ARID4A: variants seen among roughly 807,000 people sequenced by gnomAD.
ARID4A encodes AT-rich interaction domain 4A.
In ARID4A, 39 loss-of-function variants were observed where a neutral mutation model predicts 148.6. The ratio of observed to expected loss-of-function variants is 0.26; its 90% CI spans 0.20 to 0.34. The LOEUF (loss-of-function observed/expected upper bound fraction) is 0.34. Ranked by LOEUF, ARID4A falls within the 10% of genes least tolerant of loss-of-function variation. The pLI is 1.00. For missense variants in ARID4A, 1,265 were observed against 1,449.1 expected (o/e 0.87, Z 2.06); for synonymous variants, 475 against 481.2 (o/e 0.99, Z 0.17).
intron 18 of ARID4A, among the ~76,000 whole-genome samples, chr14:58,359,449 T>C (rs1031022717): frequency 2.6e-5 from 4 of 152,202 alleles, no homozygotes; most frequent in Non-Finnish European, 5.9e-5. Flanking sequence ...GACACATTAT[T>C]GTCACTCAGA....
At chr14:58,353,583 C>T (rs2034734937) in intron 16 of ARID4A, 75 bp from the exon 17 acceptor site, 2 of 1,281,214 alleles carry the variant, frequency 1.6e-6, no homozygotes, top group South Asian at 2.6e-5. Context: ...AATAATCTAC[C>T]TGTTGGATTC....
chr14:58,298,872 C>T (rs1195802061), intron 1 of ARID4A, among the ~76,000 whole-genome samples, 172 bp downstream of exon 1: 2 of 152,214 alleles, frequency 1.3e-5, no homozygotes, highest in Admixed American at 6.5e-5. Context: ...CCAGCGGCAG[C>T]AACTGCAGGA....
Position 58,298,642 on chromosome 14 carries a change from A to C in ARID4A, c.-116A>C, listed in dbSNP as rs1442655881. On this transcript the variant is annotated 5_prime_UTR_variant, in exon 1 of 24. Coordinates refer to ENST00000355431, the MANE Select transcript of ARID4A (RefSeq NM_002892.4). Reference sequence around the variant, plus strand: ...AGTGGTGCTGCCCGGACGGGGGCCCACGGAGGTCAGAGGGGAGGAGGACTC... The same window carrying C: ...AGTGGTGCTGCCCGGACGGGGGCCCCCGGAGGTCAGAGGGGAGGAGGACTC... 6.5e-6 allele frequency: 1 copy of C among 152,684 alleles called. No homozygotes were observed. The highest frequency in any genetic ancestry group is 2.4e-5 in the African/African-American group (1 of 41,452). 9.5% of individuals were successfully genotyped at this position (152,684 alleles called of 1,614,324 possible).
intron 15 of ARID4A, among the ~76,000 whole-genome samples, chr14:58,348,733 CTT>C (rs1292804870): frequency 6.6e-6 from 1 of 152,058 alleles, no homozygotes; most frequent in Non-Finnish European, 1.5e-5. Flanking sequence ...TGTGAAATTG[CTT>C]TGTCTTATAG....
intron 7 of ARID4A, among the ~76,000 whole-genome samples, chr14:58,319,226 A>AT (rs11328441): frequency 3.3e-4 from 49 of 146,396 alleles, no homozygotes; most frequent in East Asian, 1.8e-3. Flanking sequence ...CACCCAGCTA[A>AT]TTTTTTTTTT....
chr14:58,330,210 C>T lies in ARID4A; in HGVS notation c.906+41C>T, dbSNP rs2033444138. 5 of 1,588,136 alleles carry T rather than the reference C, an allele frequency of 3.1e-6. No individual in the cohort carries two copies. The South Asian group carries it at 4.6e-5, about 15-fold the overall frequency. ...TGTTTGTAACAAAAACATCTTAATA[C>T]TCTCTAGTGAAAATAATACCTTCAT... is the stretch of plus-strand genomic sequence containing the variant. On this transcript the variant is annotated intron_variant, in intron 11 of 23. Transcript: ENST00000355431.
At chr14:58,300,669 C>T (rs1366130972) in intron 2 of ARID4A, among the ~76,000 whole-genome samples, 2 of 152,114 alleles carry the variant, frequency 1.3e-5, no homozygotes, top group African/African-American at 4.8e-5. Flanking sequence ...ATTTAACCTT[C>T]TTTAATATTA....
intron 5 of ARID4A, among the ~76,000 whole-genome samples, chr14:58,311,756 T>G (rs2032049588): frequency 6.6e-6 from 1 of 152,088 alleles, no homozygotes; most frequent in Non-Finnish European, 1.5e-5. Flanking sequence ...TATTCAACTT[T>G]TAAAAAGAAG....
At chr14:58,317,607 A>G (rs2032541623) in intron 5 of ARID4A, among the ~76,000 whole-genome samples, 1 of 149,150 alleles carries the variant, frequency 6.7e-6, no homozygotes, top group South Asian at 2.1e-4. Flanking sequence ...TCTTTTTAAA[A>G]AAACCTTTAT....
Position 58,364,196 on chromosome 14 carries a change from G to T in ARID4A, c.2107G>T (p.Glu703Ter). 6.9e-7 allele frequency: 1 copy of T among 1,444,704 alleles called. No individual in the cohort carries two copies. Among genetic ancestry groups the T allele is most frequent in the South Asian group, 1.6e-5 (1 of 64,060 alleles). 89.5% of individuals were successfully genotyped at this position (1,444,704 alleles called of 1,614,324 possible). A position where few individuals can be genotyped will look rare whatever the true frequency, so the allele number is the denominator to read the frequency against. ...CTCTTGTTCATCTGATAGTGAAACA[G>T]AAGATGCTTTAGAAAAGAATTTAAT... ...SDSCSSDSET[E>*]DALEKNLINE... The change falls in exon 20 of 24, where the codon GAA (glutamate) becomes TAA (stop). Residue 703 changes from glutamate (E) to a stop codon, truncating the protein, a stop_gained. Coordinates refer to ENST00000355431, the MANE Select transcript of ARID4A (RefSeq NM_002892.4). LOFTEE classifies it high-confidence loss of function.
chr14:58,372,989 A>G lies in ARID4A; in HGVS notation c.*1000A>G, dbSNP rs904054678. On this transcript the variant is annotated 3_prime_UTR_variant, in exon 24 of 24. Transcript: ENST00000355431. The stretch of plus-strand genomic sequence containing the variant: ...AGCTCTCAGCTGTCCTTTTTACAGG[A>G]GGTTGCATCCTGCAGCCTTGCCTGT... 1.0e-5 allele frequency: 2 copies of G among 193,156 alleles called. No individual in the cohort carries two copies. The highest frequency in any genetic ancestry group is 1.1e-5 in the Non-Finnish European group (1 of 92,582). 12.0% of individuals were successfully genotyped at this position (193,156 alleles called of 1,614,324 possible). A position where few individuals can be genotyped will look rare whatever the true frequency, so the allele number is the denominator to read the frequency against.
chr14:58,315,642 C>A (rs979312607), intron 5 of ARID4A, among the ~76,000 whole-genome samples: 2 of 152,048 alleles, frequency 1.3e-5, no homozygotes, highest in Non-Finnish European at 2.9e-5. Flanking sequence ...CTAATACTAA[C>A]AAGAATTATA....
At chr14:58,298,903 C>G (rs1327588598) in intron 1 of ARID4A, among the ~76,000 whole-genome samples, 1 of 152,116 alleles carries the variant, frequency 6.6e-6, no homozygotes, top group Non-Finnish European at 1.5e-5. Flanking sequence ...CAGTTGCAGC[C>G]GCCTCCTCGT....
chr14:58,311,907 A>G (rs902748175), intron 5 of ARID4A, among the ~76,000 whole-genome samples: 2 of 16,274 alleles, frequency 1.2e-4, no homozygotes, highest in Non-Finnish European at 1.0e-4. Context: ...GTTGGTTATC[A>G]GGGGTGGGGG....
At chr14:58,360,394 A>G (rs1011015894) in intron 18 of ARID4A, among the ~76,000 whole-genome samples, 2 of 152,230 alleles carry the variant, frequency 1.3e-5, no homozygotes, top group Admixed American at 1.3e-4. Flanking sequence ...TGACTTTTAA[A>G]TGCTAGAAGC....
chr14:58,325,635 A>G (rs2033166425), intron 8 of ARID4A, among the ~76,000 whole-genome samples: 1 of 152,128 alleles, frequency 6.6e-6, no homozygotes. Context: ...CTTATCTCTA[A>G]TAATAATTGT....
At chr14:58,334,298 C>T (rs2033687484) in intron 11 of ARID4A, among the ~76,000 whole-genome samples, 1 of 151,956 alleles carries the variant, frequency 6.6e-6, no homozygotes, top group African/African-American at 2.4e-5. Context: ...AAATGTGTAC[C>T]TTTTCAAATG....
chr14:58,337,445 A>G (rs1409144075), intron 11 of ARID4A, among the ~76,000 whole-genome samples: 3 of 151,698 alleles, frequency 2.0e-5, no homozygotes, highest in Non-Finnish European at 2.9e-5. Flanking sequence ...CTTGGCTCAT[A>G]TTAAACCTTC....
chr14:58,348,009 A>G (rs2034454276), intron 15 of ARID4A, 131 bp downstream of exon 15: 1 of 634,386 alleles, frequency 1.6e-6, no homozygotes, highest in Non-Finnish European at 2.6e-6. Flanking sequence ...CTGCTTAGCT[A>G]GCTACTTTTT....
Sources: allele counts gnomAD v4.1 joint callset (sites outside exome capture counted in the v4.1 genomes callset), GRCh38; gene constraint gnomAD v4.1.1; transcripts MANE v1.5; gene names NCBI Gene and HGNC (gene_info 2026-07-23, HGNC 2026-07-21).